The following MCF2L2 variants were observed in gnomAD, a reference collection of about 807,000 sequenced individuals.
MCF2L2 encodes MCF.2 cell line derived transforming sequence-like 2, also known as probable guanine nucleotide exchange factor MCF2L2.
In MCF2L2, 102 loss-of-function variants were observed where a neutral mutation model predicts 150.2. That is an observed-to-expected ratio of 0.68 (90% CI 0.58 to 0.80). The LOEUF (loss-of-function observed/expected upper bound fraction) is 0.80. MCF2L2 is among the 30% of genes least tolerant of loss of function. The pLI is 0.00. For synonymous variants in MCF2L2, 465 were observed against 491.3 expected (o/e 0.95, Z 0.71); for missense variants, 1,256 against 1,372.8 (o/e 0.91, Z 1.34).
At chr3:183,370,118 T>G (rs1712776826) in intron 3 of MCF2L2, among the ~76,000 whole-genome samples, 1 of 152,112 alleles carries the variant, frequency 6.6e-6, no homozygotes, top group African/African-American at 2.4e-5. Flanking sequence ...TGAAACCCCC[T>G]CTCCAAGCCG....
chr3:183,266,837 A>C (rs1355051232), intron 15 of MCF2L2, among the ~76,000 whole-genome samples: 1 of 150,114 alleles, frequency 6.7e-6, no homozygotes, highest in Non-Finnish European at 1.5e-5. Flanking sequence ...CCCAGGCTGG[A>C]GTGCAGTGGC....
intron 10 of MCF2L2, 56 bp downstream of exon 10, chr3:183,309,660 C>A: frequency 6.2e-7 from 1 of 1,608,506 alleles, no homozygotes; most frequent in Non-Finnish European, 8.5e-7. Flanking sequence ...TGGACATGAT[C>A]CATCATTGTC....
In MCF2L2 at chr3:183,311,022, C is replaced by G. The variant is rs766570940; in HGVS notation, c.886G>C (p.Val296Leu). 4.4e-6 allele frequency: 7 copies of G among 1,598,102 alleles called. No homozygotes were observed. In the South Asian group the frequency reaches 5.5e-5, roughly 13 times the overall value. The change falls in exon 9 of 30, where the codon GTT becomes CTT. Residue 296 changes from valine (V) to leucine (L), a missense_variant. By Grantham distance (32) the Val-to-Leu change is conservative. Transcript: ENST00000328913. ...ENVTTMERLL[V>L]QLDETEKAFS... is the part of the protein sequence containing the mutation. ...GCTTTTTCTGTTTCATCCAGTTGAA[C>G]TAATAACCTTTCAAGAAAGAATGAG...
rs190915685 is a variant in MCF2L2, at chr3:183,252,724, A to G, written c.1863-21707T>C. ...TACCTGTCTTGTTCCTTTTACGACA[A>G]ACTCAAAGCTTTTATTTTACTAAAG... On this transcript the variant is annotated intron_variant, in intron 15 of 29. Coordinates refer to ENST00000328913, the MANE Select transcript of MCF2L2 (RefSeq NM_015078.4). Among the ~76,000 whole-genome samples, 551 of 152,334 alleles carry G rather than the reference A, an allele frequency of 3.6e-3. 4 individuals are homozygous for G. The highest frequency in any genetic ancestry group is 0.012 in the African/African-American group (497 of 41,576).
intron 15 of MCF2L2, among the ~76,000 whole-genome samples, chr3:183,248,110 C>T (rs548372890): frequency 6.6e-5 from 10 of 152,050 alleles, no homozygotes; most frequent in African/African-American, 2.4e-4. Flanking sequence ...CTAATAGATT[C>T]CTGTTTTTCC....
intron 15 of MCF2L2, among the ~76,000 whole-genome samples, chr3:183,274,300 C>T (rs1727027594): frequency 6.6e-6 from 1 of 152,054 alleles, no homozygotes; most frequent in South Asian, 2.1e-4. Context: ...ATGAAATCAC[C>T]TGTAGTTATA....
chr3:183,341,293 C>T (rs180767610), intron 4 of MCF2L2, among the ~76,000 whole-genome samples: 106 of 152,284 alleles, frequency 7.0e-4, no homozygotes, highest in Middle Eastern at 3.4e-3. Context: ...CCCAACTGCC[C>T]CTCTTCAGTG....
At chr3:183,207,515 C>T in intron 23 of MCF2L2, 93 bp downstream of exon 23, 1 of 989,494 alleles carries the variant, frequency 1.0e-6, no homozygotes, top group Non-Finnish European at 1.6e-6. Flanking sequence ...CTTCACCTCT[C>T]TACACTGCAG....
At position 183,379,298 on chromosome 3, in the gene MCF2L2, T is replaced by C. The variant is rs1226784408; in HGVS notation, c.274A>G (p.Ser92Gly). ...NVMTYLTSIP[S>G]VEAASIGFIV... is the part of the protein sequence containing the mutation. Reference sequence around the variant, plus strand: ...GGCAGGACACTGTGCTCAGCTCACCTGGGGATGCTAGTCAGGTAGGTCATG... The same window carrying C: ...GGCAGGACACTGTGCTCAGCTCACCCGGGGATGCTAGTCAGGTAGGTCATG... Residue 92 changes from serine to glycine, a missense_variant and splice_region_variant, in exon 3 of 30, where the codon AGT becomes GGT. By Grantham distance (56) the Ser-to-Gly change is moderately conservative. Coordinates refer to ENST00000328913, the MANE Select transcript of MCF2L2 (RefSeq NM_015078.4). 2.8e-5 allele frequency: 45 copies of C among 1,605,142 alleles called. No homozygotes were observed. The highest frequency in any genetic ancestry group is 3.6e-5 in the Non-Finnish European group (42 of 1,176,076).
At chr3:183,338,683 G>A (rs1045305732) in intron 5 of MCF2L2, 117 bp downstream of exon 5, 45 of 1,071,412 alleles carry the variant, frequency 4.2e-5, no homozygotes, top group Middle Eastern at 2.2e-4. Context: ...CCTCAGCCCA[G>A]AGAACCCTTT....
At chr3:183,327,337 AAAAT>A (rs532688796) in intron 5 of MCF2L2, among the ~76,000 whole-genome samples, 1 of 152,044 alleles carries the variant, frequency 6.6e-6, no homozygotes, top group Admixed American at 6.6e-5. Flanking sequence ...AAAATAAATA[AAAAT>A]AAATAAATAA....
chr3:183,289,286 A>C (rs1727983195), intron 13 of MCF2L2, 66 bp from the exon 14 acceptor site: 1 of 1,066,028 alleles, frequency 9.4e-7, no homozygotes, highest in African/African-American at 1.6e-5. Context: ...ACTTTGTCTG[A>C]TTTGGACAAA....
At chr3:183,215,647 T>C (rs1722884919) in intron 22 of MCF2L2, among the ~76,000 whole-genome samples, 1 of 152,206 alleles carries the variant, frequency 6.6e-6, no homozygotes, top group Non-Finnish European at 1.5e-5. Flanking sequence ...ATTTTAATAG[T>C]GCCATGAGTT....
At chr3:183,371,179 C>G (rs1712851859) in intron 3 of MCF2L2, among the ~76,000 whole-genome samples, 1 of 152,138 alleles carries the variant, frequency 6.6e-6, no homozygotes, top group Non-Finnish European at 1.5e-5. Context: ...TTCTGTGAAC[C>G]CAAAAGTATC....
At chr3:183,414,440 A>C (rs1289439352) in intron 1 of MCF2L2, among the ~76,000 whole-genome samples, 4 of 152,074 alleles carry the variant, frequency 2.6e-5, no homozygotes, top group Admixed American at 2.0e-4. Context: ...TCTTTCATTC[A>C]AGTCATTTAC....
At chr3:183,401,326 G>A (rs1341367937) in intron 1 of MCF2L2, among the ~76,000 whole-genome samples, 3 of 152,150 alleles carry the variant, frequency 2.0e-5, no homozygotes, top group African/African-American at 7.2e-5. Context: ...AGTAATAAAT[G>A]TTTTTACACA....
chr3:183,196,669 T>TA (rs1722092526), intron 25 of MCF2L2, among the ~76,000 whole-genome samples: 1 of 152,164 alleles, frequency 6.6e-6, no homozygotes, highest in Non-Finnish European at 1.5e-5. Context: ...CAGAGCCTAC[T>TA]TGGTGCACCA....
At chr3:183,251,613 T>C (rs1386828830) in intron 15 of MCF2L2, among the ~76,000 whole-genome samples, 2 of 152,212 alleles carry the variant, frequency 1.3e-5, no homozygotes, top group African/African-American at 2.4e-5. Flanking sequence ...TCCTTCTTCA[T>C]GCTGGCCAAG....
intron 13 of MCF2L2, among the ~76,000 whole-genome samples, chr3:183,294,569 G>GTA (rs1359098712): frequency 3.4e-5 from 5 of 146,114 alleles, no homozygotes; most frequent in Non-Finnish European, 6.0e-5. Flanking sequence ...GTGTGTGTGT[G>GTA]TATATATATG....
Sources: gnomAD v4.1 joint callset for allele counts (sites outside exome capture counted in the v4.1 genomes callset) on GRCh38, gnomAD v4.1.1 for gene constraint, MANE v1.5 for transcripts, NCBI Gene and HGNC (gene_info 2026-07-23, HGNC 2026-07-21) for gene names.